Variants in CFAP54 observed in about 807,000 individuals in gnomAD.
CFAP54 encodes the protein cilia and flagella associated protein 54, also known as cilia- and flagella-associated protein 54.
CFAP54 carries 290 observed loss-of-function variants against 370.4 expected under a neutral mutation model. That is an observed-to-expected ratio of 0.78 (90% CI 0.71 to 0.86). CFAP54 has a LOEUF of 0.86. Ranked by LOEUF, CFAP54 falls within the 40% of genes least tolerant of loss-of-function variation. The pLI, the probability that CFAP54 is intolerant of heterozygous loss-of-function variation, is 0.00. For missense variants in CFAP54, 3,399 were observed against 3,528.7 expected, an observed-to-expected ratio of 0.96 and a Z score of 0.93; for synonymous variants, 1,206 against 1,236.5, an observed-to-expected ratio of 0.98 and a Z score of 0.52.
rs1301164884 is a variant in CFAP54, at chr12:96,786,767, G to A, written c.8548G>A (p.Val2850Met). The A allele has an allele frequency of 6.5e-7, 1 of 1,535,882 alleles. No homozygotes were observed. Among genetic ancestry groups the A allele is most frequent in the Non-Finnish European group, 8.7e-7 (1 of 1,146,754 alleles). The change falls in exon 62 of 68, where the codon GTG becomes ATG. Residue 2850 changes from valine (V) to methionine (M), a missense_variant. This residue lies in a region of CFAP54 where 2,796 missense variants were observed against 2,869.7 expected (regional missense o/e 0.97). Transcript: ENST00000524981. Reference sequence around the variant, plus strand: ...TGAGTTGATTTTGCGCCAGAAAGAAGTGCATTTTTTCCTTAAAAAATTCTT... The same window carrying A: ...TGAGTTGATTTTGCGCCAGAAAGAAATGCATTTTTTCCTTAAAAAATTCTT... The part of the protein sequence containing the change: ...NSELILRQKE[V>M]HFFLKKFLQL...
At chr12:96,662,433 G>C (rs544951798) in intron 38 of CFAP54, among the ~76,000 whole-genome samples, 1 of 152,036 alleles carries the variant, frequency 6.6e-6, no homozygotes, top group Non-Finnish European at 1.5e-5. Flanking sequence ...TTGAACTCCT[G>C]ACCTCAGGTG....
At chr12:96,747,985 A>G (rs772605625) in intron 55 of CFAP54, among the ~76,000 whole-genome samples, 12 of 151,894 alleles carry the variant, frequency 7.9e-5, no homozygotes, top group South Asian at 2.1e-4. Context: ...GTTATTTTAG[A>G]CATTCATTGT....
At chr12:96,677,878 T>C (rs1200085897) in intron 39 of CFAP54, among the ~76,000 whole-genome samples, 1 of 152,160 alleles carries the variant, frequency 6.6e-6, no homozygotes, top group African/African-American at 2.4e-5. Context: ...CCTGTGTTAC[T>C]TATTCCATCA....
chr12:96,688,931 G>A lies in CFAP54; in HGVS notation c.6030G>A (p.Leu2010=). 1 of 1,574,936 alleles carries A rather than the reference G, an allele frequency of 6.3e-7. No individual in the cohort carries two copies. The highest frequency in any genetic ancestry group is 8.6e-7 in the Non-Finnish European group (1 of 1,163,710). The change falls in exon 43 of 68, where the codon TTG becomes TTA. Residue 2010 remains leucine, a synonymous_variant. Coordinates refer to ENST00000524981, the MANE Select transcript of CFAP54 (RefSeq NM_001306084.2). ...SAKIAQFIKS[L]NVEKKTDCCI... ...ACTTACTTAGATTTATTAAGTCATT[G>A]AATGTTGAAAAGAAAACTGACTGTT... is the stretch of plus-strand genomic sequence containing the variant.
intron 39 of CFAP54, among the ~76,000 whole-genome samples, chr12:96,664,739 C>G (rs796154932): frequency 1.2e-4 from 3 of 25,824 alleles, no homozygotes; most frequent in African/African-American, 4.2e-4. Flanking sequence ...ATATATATAT[C>G]TATATATATA....
chr12:96,600,628 G>A (rs1373885910), intron 26 of CFAP54, among the ~76,000 whole-genome samples: 1 of 152,142 alleles, frequency 6.6e-6, no homozygotes, highest in Non-Finnish European at 1.5e-5. Context: ...AGCATGGAAT[G>A]TTCTTCCATT....
intron 50 of CFAP54, among the ~76,000 whole-genome samples, chr12:96,731,806 G>A (rs2136628135): frequency 6.6e-6 from 1 of 152,260 alleles, no homozygotes; most frequent in African/African-American, 2.4e-5. Context: ...AGATAGAGCA[G>A]TAGATTTTAA....
At chr12:96,825,907 CAG>C (rs1164255161) in intron 65 of CFAP54, among the ~76,000 whole-genome samples, 4 of 133,802 alleles carry the variant, frequency 3.0e-5, no homozygotes, top group South Asian at 4.6e-4. Context: ...AACTATATAA[CAG>C]AATATATTCA....
intron 20 of CFAP54, among the ~76,000 whole-genome samples, chr12:96,577,788 C>T (rs550213925): frequency 3.3e-5 from 5 of 152,114 alleles, no homozygotes; most frequent in South Asian, 2.1e-4. Flanking sequence ...GGGCTAAGCG[C>T]GATGGCTCAA....
chr12:96,645,286 G>A, intron 33 of CFAP54: 1 of 407,926 alleles, frequency 2.5e-6, no homozygotes, highest in Non-Finnish European at 5.0e-6. Context: ...AAAAGCACAA[G>A]CATTCTTATA....
chr12:96,816,906 T>G (rs1250144772), intron 64 of CFAP54, among the ~76,000 whole-genome samples: 1 of 152,242 alleles, frequency 6.6e-6, no homozygotes, highest in East Asian at 1.9e-4. Flanking sequence ...TCATTGCTAG[T>G]GCCCTCCTTT....
At chr12:96,512,879 A>T in intron 4 of CFAP54, 107 bp from the exon 5 acceptor site, 1 of 557,956 alleles carries the variant, frequency 1.8e-6, no homozygotes, top group East Asian at 3.4e-5. Context: ...AGACTTCCTC[A>T]TAAGATCACT....
intron 55 of CFAP54, 41 bp downstream of exon 55, chr12:96,744,187 A>G (rs78848033): frequency 6.5e-7 from 1 of 1,528,788 alleles, no homozygotes; most frequent in Non-Finnish European, 8.9e-7. Context: ...AATAACTGAT[A>G]AAACTTTTTA....
intron 66 of CFAP54, among the ~76,000 whole-genome samples, chr12:96,831,839 A>C (rs1187679729): frequency 6.6e-6 from 1 of 152,094 alleles, no homozygotes; most frequent in Non-Finnish European, 1.5e-5. Context: ...TGCTTCACTT[A>C]TTCATTTGGC....
chr12:96,713,401 A>T (rs192462479), intron 48 of CFAP54, among the ~76,000 whole-genome samples: 1 of 152,130 alleles, frequency 6.6e-6, no homozygotes. Flanking sequence ...ATAGAACTGG[A>T]GGACATTATG....
At chr12:96,604,574 A>G (rs910184070) in intron 26 of CFAP54, among the ~76,000 whole-genome samples, 1 of 152,250 alleles carries the variant, frequency 6.6e-6, no homozygotes, top group African/African-American at 2.4e-5. Context: ...GGTGGAATCT[A>G]GAGAGGCAGT....
chr12:96,826,175 A>G (rs1959099770), intron 65 of CFAP54, among the ~76,000 whole-genome samples: 1 of 146,160 alleles, frequency 6.8e-6, no homozygotes, highest in African/African-American at 2.5e-5. Context: ...CCTGAACTCA[A>G]AGCCCCAAAA....
At chr12:96,695,510 A>T (rs1388359495) in intron 45 of CFAP54, among the ~76,000 whole-genome samples, 4 of 152,222 alleles carry the variant, frequency 2.6e-5, no homozygotes, top group African/African-American at 9.6e-5. Flanking sequence ...CTGAACTCTT[A>T]TGAGTTCTCT....
chr12:96,651,926 AC>A (rs1944560449), intron 36 of CFAP54, 111 bp downstream of exon 36: 1 of 697,938 alleles, frequency 1.4e-6, no homozygotes, highest in South Asian at 2.1e-5. Context: ...TGGTTTGTCT[AC>A]ATTTCATTTG....
Sources: allele counts gnomAD v4.1 joint callset (sites outside exome capture counted in the v4.1 genomes callset), GRCh38; gene constraint gnomAD v4.1.1; regional missense constraint gnomAD v4.1.1; transcripts MANE v1.5; gene names NCBI Gene and HGNC (gene_info 2026-07-23, HGNC 2026-07-21).